The following KLHL1 variants were observed in gnomAD, a reference collection of about 807,000 sequenced individuals.
KLHL1 encodes the protein kelch like family member 1.
A neutral mutation model predicts 77.7 loss-of-function variants in KLHL1; 47 were observed. The observed-to-expected ratio is 0.60, with a 90% CI of 0.48 to 0.77. The LOEUF (loss-of-function observed/expected upper bound fraction) is 0.77. KLHL1 is among the 30% of genes least tolerant of loss of function. KLHL1 has a pLI of 0.00. For synonymous variants in KLHL1, 360 were observed against 325.2 expected (o/e 1.11, Z -1.15); for missense variants, 925 against 910.8 (o/e 1.02, Z -0.20).
chr13:69,846,125 C>T lies in KLHL1; in HGVS notation c.1228-6963G>A, dbSNP rs933511988. Among the ~76,000 whole-genome samples, 7 of 151,548 alleles carry T rather than the reference C, an allele frequency of 4.6e-5. No homozygotes were observed. In the Admixed American group the frequency reaches 4.6e-4, roughly 10 times the overall value. On this transcript the variant is annotated intron_variant, in intron 5 of 10. Transcript: ENST00000377844. ...TTTTTAAAATCCTGTTCTATGCTAT[C>T]CAAACGAATTAAACATTTCCAGTGT...
intron 2 of KLHL1, 115 bp downstream of exon 2, chr13:69,975,505 T>A (rs56168989): frequency 2.6e-6 from 1 of 385,098 alleles, no homozygotes; most frequent in Non-Finnish European, 3.8e-6. Context: ...AACAAAAAAC[T>A]TAAAAAAATG....
chr13:69,714,866 T>C (rs9572244), intron 9 of KLHL1, among the ~76,000 whole-genome samples: 78,010 of 151,436 alleles, frequency 0.52, 20,798 homozygotes, highest in East Asian at 0.67. Context: ...GGTGCCAGTA[T>C]TACAGGTGTG....
At chr13:69,955,652 A>G (rs1233207125) in intron 3 of KLHL1, among the ~76,000 whole-genome samples, 1 of 150,958 alleles carries the variant, frequency 6.6e-6, no homozygotes, top group Admixed American at 6.6e-5. Flanking sequence ...GAGATAAACT[A>G]GGAGGAAATT....
intron 1 of KLHL1, among the ~76,000 whole-genome samples, chr13:70,070,797 G>C (rs1887120636): frequency 6.6e-6 from 1 of 152,062 alleles, no homozygotes; most frequent in Admixed American, 6.6e-5. Flanking sequence ...CAGGAGAAAG[G>C]ACATGAGAAG....
chr13:69,810,222 C>T (rs921390686), intron 6 of KLHL1, among the ~76,000 whole-genome samples: 32 of 152,100 alleles, frequency 2.1e-4, no homozygotes, highest in African/African-American at 7.0e-4. Context: ...CTCTACCCAA[C>T]AGCCACAGAA....
intron 7 of KLHL1, among the ~76,000 whole-genome samples, chr13:69,777,897 C>G (rs1373943139): frequency 6.6e-6 from 1 of 152,052 alleles, no homozygotes; most frequent in Non-Finnish European, 1.5e-5. Context: ...GTGCATTTTA[C>G]TGGTAGTTGA....
chr13:69,739,939 C>G (rs1873915779), intron 8 of KLHL1, among the ~76,000 whole-genome samples: 1 of 152,076 alleles, frequency 6.6e-6, no homozygotes, highest in Non-Finnish European at 1.5e-5. Flanking sequence ...CAGGACACTT[C>G]TAAACACTCT....
intron 1 of KLHL1, among the ~76,000 whole-genome samples, chr13:70,059,060 T>C (rs1452697512): frequency 6.6e-6 from 1 of 151,350 alleles, no homozygotes; most frequent in East Asian, 1.9e-4. Context: ...TAAAATAAAA[T>C]AAAAATGGAT....
rs541343222 is a variant in KLHL1, at chr13:69,948,719, A to G, written c.818-8483T>C. On this transcript the variant is annotated intron_variant, in intron 3 of 10. Transcript: ENST00000377844. ...GAAGTTTATAGAAGAATATGTATCA[A>G]TGTGGTTCTATTTCTTATTAGACAC... 1.2e-4 allele frequency among the ~76,000 whole-genome samples: 19 copies of G among 152,116 alleles called. No individual in the cohort carries two copies. In the South Asian group the frequency reaches 3.9e-3, roughly 32 times the overall value.
chr13:70,085,647 T>C (rs1036031778), intron 1 of KLHL1, among the ~76,000 whole-genome samples: 4 of 152,146 alleles, frequency 2.6e-5, no homozygotes, highest in African/African-American at 7.2e-5. Flanking sequence ...GAAGATCACC[T>C]GAGGTCAGGA....
At position 69,919,546 on chromosome 13, in the gene KLHL1, T is replaced by C. The variant is rs373281927; in HGVS notation, c.1014+20494A>G. Among the ~76,000 whole-genome samples the C allele has an allele frequency of 2.0e-5, 3 of 150,428 alleles. No homozygotes were observed. In the East Asian group the frequency reaches 5.8e-4, roughly 29 times the overall value. ...GGCAGAAAAATGTACTTTGGGTACA[T>C]TAATGACACCAATTTTCTCTCCAAG... On this transcript the variant is annotated intron_variant, in intron 4 of 10. Coordinates refer to ENST00000377844, the MANE Select transcript of KLHL1 (RefSeq NM_020866.3).
chr13:69,881,886 A>C (rs1466599940), intron 5 of KLHL1, among the ~76,000 whole-genome samples: 1 of 152,150 alleles, frequency 6.6e-6, no homozygotes, highest in Non-Finnish European at 1.5e-5. Flanking sequence ...CATTTACATC[A>C]ATGGATGATC....
chr13:70,034,178 T>G (rs11838650), intron 1 of KLHL1, among the ~76,000 whole-genome samples: 55,078 of 152,124 alleles, frequency 0.36, 10,317 homozygotes, highest in East Asian at 0.69. Flanking sequence ...AACATTTTAC[T>G]GTTGTCTATT....
intron 1 of KLHL1, among the ~76,000 whole-genome samples, chr13:70,002,269 G>C (rs976399448): frequency 6.6e-6 from 1 of 151,548 alleles, no homozygotes; most frequent in African/African-American, 2.4e-5. Flanking sequence ...CCGCATGTTT[G>C]AACAGCAGAC....
At chr13:69,986,458 T>C (rs1436920091) in intron 1 of KLHL1, among the ~76,000 whole-genome samples, 1 of 152,052 alleles carries the variant, frequency 6.6e-6, no homozygotes, top group African/African-American at 2.4e-5. Flanking sequence ...TATGTATAAT[T>C]ATTATGTATC....
In KLHL1 at chr13:69,983,618, A is replaced by T. The variant is rs76771207; in HGVS notation, c.498-7816T>A. ...AAGAAGAAGAAGAGAAAAAAAAAAA[A>T]AAGCTGTGTTTGATGGTAAACTCCT... On this transcript the variant is annotated intron_variant, in intron 1 of 10. Transcript: ENST00000377844. Among the ~76,000 whole-genome samples, 4 of 150,554 alleles carry T rather than the reference A, an allele frequency of 2.7e-5. No homozygotes were observed. In the East Asian group the frequency reaches 7.8e-4, roughly 29 times the overall value.
At chr13:69,818,889 CCTT>C in intron 6 of KLHL1, among the ~76,000 whole-genome samples, 1 of 152,048 alleles carries the variant, frequency 6.6e-6, no homozygotes, top group East Asian at 1.9e-4. Context: ...AAAAAATAAC[CCTT>C]CTTTTATTAT....
intron 7 of KLHL1, among the ~76,000 whole-genome samples, chr13:69,789,881 G>GTAAGT (rs750633151): frequency 5.9e-5 from 9 of 152,134 alleles, no homozygotes; most frequent in Non-Finnish European, 7.3e-5. Context: ...GCAACATTAA[G>GTAAGT]TAAGTTTGGA....
Position 70,107,261 on chromosome 13 carries a change from C to G in KLHL1, c.439G>C (p.Glu147Gln). ...GAGTTGTCTGGCTCCACTTTGAGCT[C>G]TTGCAGAACCAGCCCTTTTTCGTGT... ...GPHEKGLVLQ[E>Q]LKVEPDNSSQ... is the part of the protein sequence containing the mutation. The change falls in exon 1 of 11, where the codon GAG becomes CAG. Residue 147 changes from glutamate to glutamine, a missense_variant. Transcript: ENST00000377844. 3 of 1,614,088 alleles carry G rather than the reference C, an allele frequency of 1.9e-6. No individual in the cohort carries two copies. Among genetic ancestry groups the G allele is most frequent in the Non-Finnish European group, 2.5e-6 (3 of 1,180,002 alleles).
Sources: gnomAD v4.1 joint callset for allele counts (sites outside exome capture counted in the v4.1 genomes callset) on GRCh38, gnomAD v4.1.1 for gene constraint, MANE v1.5 for transcripts, NCBI Gene and HGNC (gene_info 2026-07-23, HGNC 2026-07-21) for gene names.